The following DYM variants were observed in gnomAD, a reference collection of about 807,000 sequenced individuals.
DYM encodes dyggve-Melchior-Clausen syndrome protein.
Under a neutral mutation model 93.1 loss-of-function variants are expected in DYM, and 78 were observed. The ratio of observed to expected loss-of-function variants is 0.84; its 90% CI spans 0.70 to 1.01. The LOEUF is 1.01. Among genes scored for constraint, DYM ranks in the 50% least tolerant of loss-of-function variants. The probability of loss-of-function intolerance (pLI) is 0.00; values close to 1 mark genes in which losing one functional copy is unlikely to be tolerated. For missense variants in DYM, 789 were observed against 845.0 expected (o/e 0.93, Z 0.82); for synonymous variants, 321 against 319.7 (o/e 1.00, Z -0.04).
intron 12 of DYM, 97 bp from the exon 13 acceptor site, chr18:49,257,201 C>CA: frequency 2.1e-6 from 2 of 934,958 alleles, no homozygotes; most frequent in Non-Finnish European, 3.4e-6. Context: ...ACTCAGTTGT[C>CA]ACTGATTTTA....
rs145526246 is a variant in DYM, at chr18:49,316,238, C to T, written c.763+15626G>A. On this transcript the variant is annotated intron_variant, in intron 8 of 17. Transcript: ENST00000675505. Reference sequence around the variant, plus strand: ...CGGAGGTTGCAGTGAGCCAAGATCGCGCCATTATACTCCAGGCTGGGTGAC... The same window carrying T: ...CGGAGGTTGCAGTGAGCCAAGATCGTGCCATTATACTCCAGGCTGGGTGAC... 3.5e-3 allele frequency among the ~76,000 whole-genome samples: 527 copies of T among 152,134 alleles called. 4 individuals carry two copies. The highest frequency in any genetic ancestry group is 0.012 in the African/African-American group (486 of 41,494).
chr18:49,395,107 A>C (rs112650025), intron 2 of DYM, among the ~76,000 whole-genome samples: 26 of 152,352 alleles, frequency 1.7e-4, no homozygotes, highest in African/African-American at 5.3e-4. Flanking sequence ...AGACCTCAAA[A>C]GCACAGAGAA....
chr18:49,179,395 C>A (rs1379553716), intron 14 of DYM, among the ~76,000 whole-genome samples: 1 of 152,114 alleles, frequency 6.6e-6, no homozygotes, highest in Non-Finnish European at 1.5e-5. Context: ...CAATTTAAGA[C>A]ACCTACTGTA....
chr18:49,251,285 G>A (rs1234485344), intron 13 of DYM, among the ~76,000 whole-genome samples: 1 of 152,222 alleles, frequency 6.6e-6, no homozygotes, highest in African/African-American at 2.4e-5. Context: ...CTGGCATAGT[G>A]TGGGTGAAGA....
chr18:49,155,027 TA>T (rs1489287180), intron 15 of DYM, among the ~76,000 whole-genome samples: 1 of 152,226 alleles, frequency 6.6e-6, no homozygotes, highest in Non-Finnish European at 1.5e-5. Flanking sequence ...TGATTTCATT[TA>T]AAAAATAGCT....
At chr18:49,440,941 TA>T (rs1445594020) in intron 1 of DYM, among the ~76,000 whole-genome samples, 4 of 998 alleles carry the variant, frequency 4.0e-3, no homozygotes, top group Non-Finnish European at 9.6e-3. Flanking sequence ...ATATAATATA[TA>T]ATATATTATA....
intron 2 of DYM, among the ~76,000 whole-genome samples, chr18:49,411,203 G>A (rs1398435444): frequency 6.6e-6 from 1 of 152,042 alleles, no homozygotes; most frequent in East Asian, 1.9e-4. Context: ...ATACTCTTAA[G>A]GCAAACCCAC....
intron 15 of DYM, among the ~76,000 whole-genome samples, chr18:49,161,290 C>CA (rs1286284269): frequency 2.0e-5 from 3 of 152,108 alleles, no homozygotes; most frequent in Non-Finnish European, 2.9e-5. Flanking sequence ...CCTATCATGG[C>CA]ATAATTACCT....
intron 16 of DYM, among the ~76,000 whole-genome samples, chr18:49,104,577 G>A (rs74625759): frequency 0.1 from 15,891 of 152,092 alleles, 1,099 homozygotes; most frequent in East Asian, 0.26. Context: ...ATTATTTTGA[G>A]ATACGTCCCA....
At chr18:49,425,633 G>A (rs2074205691) in intron 2 of DYM, among the ~76,000 whole-genome samples, 1 of 152,124 alleles carries the variant, frequency 6.6e-6, no homozygotes, top group Non-Finnish European at 1.5e-5. Context: ...GAAAATTTTT[G>A]CAATCTACCC....
intron 14 of DYM, among the ~76,000 whole-genome samples, chr18:49,178,110 G>C (rs1239044931): frequency 1.3e-5 from 2 of 152,056 alleles, no homozygotes; most frequent in African/African-American, 4.8e-5. Context: ...ATGCCTATAG[G>C]AAAGCCATGG....
At chr18:49,165,428 C>T (rs900634870) in intron 14 of DYM, among the ~76,000 whole-genome samples, 2 of 151,678 alleles carry the variant, frequency 1.3e-5, no homozygotes, top group African/African-American at 4.8e-5. Context: ...TTTTTTATGC[C>T]AAAACTTCAC....
At chr18:49,306,424 A>G (rs1331621064) in intron 8 of DYM, among the ~76,000 whole-genome samples, 1 of 152,208 alleles carries the variant, frequency 6.6e-6, no homozygotes, top group Non-Finnish European at 1.5e-5. Context: ...CACAAATCAC[A>G]TATTATCCCG....
chr18:49,365,575 C>A (rs1474361079), intron 5 of DYM, among the ~76,000 whole-genome samples: 1 of 152,188 alleles, frequency 6.6e-6, no homozygotes, highest in East Asian at 1.9e-4. Context: ...AATATATACT[C>A]AATGTACGTT....
chr18:49,346,857 C>T (rs2337547), intron 6 of DYM, among the ~76,000 whole-genome samples: 17,846 of 151,978 alleles, frequency 0.12, 1,388 homozygotes, highest in Non-Finnish European at 0.17. Flanking sequence ...GAGTTATGTC[C>T]CAATAAATCT....
intron 5 of DYM, among the ~76,000 whole-genome samples, chr18:49,371,582 T>C (rs1453799316): frequency 3.9e-5 from 6 of 152,116 alleles, no homozygotes; most frequent in African/African-American, 1.4e-4. Flanking sequence ...TTTAAAATAT[T>C]GGATTTATAA....
chr18:49,362,126 A>C (rs113374983), intron 6 of DYM, among the ~76,000 whole-genome samples: 13,863 of 150,992 alleles, frequency 0.092, 856 homozygotes, highest in East Asian at 0.31. Context: ...TCAGGCTCCC[A>C]AAGTGCTGGG....
intron 15 of DYM, among the ~76,000 whole-genome samples, chr18:49,147,711 G>A (rs2085319229): frequency 6.6e-6 from 1 of 152,148 alleles, no homozygotes; most frequent in South Asian, 2.1e-4. Context: ...TGGAGAGGAT[G>A]TGGAGAAATA....
intron 8 of DYM, among the ~76,000 whole-genome samples, chr18:49,320,216 A>C (rs1396075306): frequency 6.6e-6 from 1 of 152,194 alleles, no homozygotes; most frequent in African/African-American, 2.4e-5. Context: ...ACTGAAATTT[A>C]CAACAGTAAT....
Sources: gnomAD v4.1 joint callset for allele counts (sites outside exome capture counted in the v4.1 genomes callset) on GRCh38, gnomAD v4.1.1 for gene constraint, MANE v1.5 for transcripts, NCBI Gene and HGNC (gene_info 2026-07-23, HGNC 2026-07-21) for gene names.